Variants in KYNU observed in about 807,000 individuals in gnomAD.
The protein encoded by KYNU is kynureninase, also known as L-kynurenine hydrolase.
KYNU carries 54 observed loss-of-function variants against 59.2 expected under a neutral mutation model. That is an observed-to-expected ratio of 0.91 (90% CI 0.73 to 1.14). KYNU has a LOEUF of 1.14. Among genes scored for constraint, KYNU ranks in the 50% most tolerant of loss-of-function variants. KYNU has a pLI of 0.00. For synonymous variants in KYNU, 177 were observed against 192.0 expected (o/e 0.92, Z 0.65); for missense variants, 567 against 554.4 (o/e 1.02, Z -0.23).
At chr2:142,984,471 G>A (rs1473457118) in intron 8 of KYNU, among the ~76,000 whole-genome samples, 1 of 151,910 alleles carries the variant, frequency 6.6e-6, no homozygotes, top group African/African-American at 2.4e-5. Flanking sequence ...CATGTGAATC[G>A]TCATTGTTTG....
At chr2:142,889,827 A>G (rs1302752611) in intron 2 of KYNU, among the ~76,000 whole-genome samples, 1 of 152,178 alleles carries the variant, frequency 6.6e-6, no homozygotes, top group Admixed American at 6.5e-5. Flanking sequence ...AAAACAGAAC[A>G]GAAATAAACA....
chr2:142,889,464 T>A (rs1161564866), intron 2 of KYNU, among the ~76,000 whole-genome samples: 3 of 152,140 alleles, frequency 2.0e-5, no homozygotes, highest in Non-Finnish European at 4.4e-5. Context: ...TTTTAAGGCT[T>A]GCTGTAGGAG....
chr2:143,041,164 T>C (rs1000169477), intron 13 of KYNU, among the ~76,000 whole-genome samples: 1 of 152,068 alleles, frequency 6.6e-6, no homozygotes, highest in Non-Finnish European at 1.5e-5. Flanking sequence ...AATTTTTTTT[T>C]AACCCTTCAG....
At position 143,042,387 on chromosome 2, in the gene KYNU, A is replaced by C. The variant is rs1225045303; in HGVS notation, c.*215A>C. On this transcript the variant is annotated 3_prime_UTR_variant, in exon 14 of 14. Coordinates refer to ENST00000264170, the MANE Select transcript of KYNU (RefSeq NM_003937.3). Reference sequence around the variant, plus strand: ...CTAGGTGCTTTGTGTTTGGGGGACCAAAACTGTGTTGGTTCAAGTATTATC... The same window carrying C: ...CTAGGTGCTTTGTGTTTGGGGGACCCAAACTGTGTTGGTTCAAGTATTATC... 2 of 485,036 alleles carry C rather than the reference A, an allele frequency of 4.1e-6. No homozygotes were observed. The highest frequency in any genetic ancestry group is 6.9e-5 in the Admixed American group (2 of 28,870). 30.0% of individuals were successfully genotyped at this position (485,036 alleles called of 1,614,324 possible).
intron 2 of KYNU, among the ~76,000 whole-genome samples, chr2:142,900,476 C>A (rs1414250433): frequency 6.6e-6 from 1 of 152,176 alleles, no homozygotes; most frequent in Non-Finnish European, 1.5e-5. Flanking sequence ...ATTATCCCTC[C>A]CCCTGTGCTC....
chr2:142,971,285 A>G (rs1241028431), intron 8 of KYNU: 2 of 149,524 alleles, frequency 1.3e-5, no homozygotes, highest in African/African-American at 2.5e-5. Context: ...TGGTGAATAT[A>G]TCTATATGAA....
intron 11 of KYNU, among the ~76,000 whole-genome samples, chr2:143,030,997 T>C (rs1350095959): frequency 6.6e-6 from 1 of 152,158 alleles, no homozygotes; most frequent in Non-Finnish European, 1.5e-5. Flanking sequence ...ACAATGGGCG[T>C]ATGGGTAGTC....
At chr2:142,902,047 A>C (rs1443526790) in intron 2 of KYNU, among the ~76,000 whole-genome samples, 1 of 152,164 alleles carries the variant, frequency 6.6e-6, no homozygotes, top group Non-Finnish European at 1.5e-5. Context: ...TATTTAAGCA[A>C]ACGATTGTCT....
chr2:142,921,554 T>A (rs935163837), intron 3 of KYNU, among the ~76,000 whole-genome samples: 1 of 152,054 alleles, frequency 6.6e-6, no homozygotes, highest in Non-Finnish European at 1.5e-5. Flanking sequence ...CCATCTGTAA[T>A]CCCAGCACTT....
intron 2 of KYNU, among the ~76,000 whole-genome samples, chr2:142,888,529 C>T (rs978903601): frequency 3.3e-5 from 5 of 152,094 alleles, no homozygotes; most frequent in Non-Finnish European, 7.4e-5. Flanking sequence ...TCTTCTACAT[C>T]AGTGATTGTC....
In KYNU at chr2:142,888,344, G is replaced by T. The variant is rs898873591; in HGVS notation, c.169+2808G>T. 2.6e-5 allele frequency among the ~76,000 whole-genome samples: 4 copies of T among 152,088 alleles called. No individual in the cohort carries two copies. The South Asian group carries it at 6.2e-4, about 24-fold the overall frequency. ...GTGATGGCATGTGCTTTTACTGCCAGTTACTCTGGAGGCTGAAGTGGGAGG... is the reference window on the plus strand; with the variant it reads ...GTGATGGCATGTGCTTTTACTGCCATTTACTCTGGAGGCTGAAGTGGGAGG... On this transcript the variant is annotated intron_variant, in intron 2 of 13. Transcript: ENST00000264170.
chr2:142,883,158 T>G (rs1573744375), intron 1 of KYNU, among the ~76,000 whole-genome samples: 1 of 151,468 alleles, frequency 6.6e-6, no homozygotes, highest in Non-Finnish European at 1.5e-5. Context: ...CTTATAAAAT[T>G]TCAGTTTTCT....
At chr2:143,013,714 G>A (rs1433072843) in intron 10 of KYNU, among the ~76,000 whole-genome samples, 3 of 152,208 alleles carry the variant, frequency 2.0e-5, no homozygotes, top group Non-Finnish European at 4.4e-5. Context: ...CAGTAAATTT[G>A]GAGTTTAAGT....
Position 142,918,575 on chromosome 2 carries a change from T to TA in KYNU, c.170-34_170-33insA, listed in dbSNP as rs201411276. ...ATACCATACTGAAAAAGCTTTTATT[T>TA]TTTTTTTTTTTTTTGACATTTCTTC... On this transcript the variant is annotated intron_variant, in intron 2 of 13. Coordinates refer to ENST00000264170, the MANE Select transcript of KYNU (RefSeq NM_003937.3). The TA allele has an allele frequency of 4.0e-3, 4,082 of 1,032,922 alleles. 28 individuals carry two copies. The African/African-American group carries it at 0.065, about 16-fold the overall frequency. 64.0% of individuals were successfully genotyped at this position (1,032,922 alleles called of 1,614,324 possible). A position where few individuals can be genotyped will look rare whatever the true frequency, so the allele number is the denominator to read the frequency against.
At chr2:142,971,954 A>C (rs903964409) in intron 8 of KYNU, among the ~76,000 whole-genome samples, 4 of 152,194 alleles carry the variant, frequency 2.6e-5, no homozygotes, top group African/African-American at 9.6e-5. Flanking sequence ...TAAGTCATTA[A>C]ATATTAAATG....
Position 143,040,446 on chromosome 2 carries a change from A to G in KYNU, c.1060A>G (p.Met354Val). The change falls in exon 13 of 14, where the codon ATG becomes GTG. Residue 354 changes from methionine (M) to valine (V), a missense_variant. Physicochemically the swap from Met to Val is conservative, Grantham distance 21. Coordinates refer to ENST00000264170, the MANE Select transcript of KYNU (RefSeq NM_003937.3). Reference protein sequence around the residue: ...ASLEIFKQATMKALRKKSVLL... With the variant: ...ASLEIFKQATVKALRKKSVLL... ...TCCACAGATCTTTAAGCAAGCGACA[A>G]TGAAGGCATTGCGGAAAAAATCTGT... 1 of 1,612,510 alleles carries G rather than the reference A, an allele frequency of 6.2e-7. No homozygotes were observed. Among genetic ancestry groups the G allele is most frequent in the Non-Finnish European group, 8.5e-7 (1 of 1,178,816 alleles).
intron 4 of KYNU, among the ~76,000 whole-genome samples, chr2:142,935,595 AAT>A (rs1311354325): frequency 7.9e-5 from 12 of 152,128 alleles, no homozygotes; most frequent in African/African-American, 2.9e-4. Context: ...GAAACTCCCT[AAT>A]ATAAGAGGTG....
At chr2:142,898,739 G>C (rs1049460496) in intron 2 of KYNU, among the ~76,000 whole-genome samples, 2 of 152,182 alleles carry the variant, frequency 1.3e-5, no homozygotes, top group African/African-American at 4.8e-5. Context: ...TCCCAAGATG[G>C]CAGCAAGCCT....
At chr2:143,006,081 G>T (rs766573804) in intron 10 of KYNU, among the ~76,000 whole-genome samples, 1 of 152,144 alleles carries the variant, frequency 6.6e-6, no homozygotes, top group Non-Finnish European at 1.5e-5. Context: ...AACAGCTCCG[G>T]TCTACAGCTC....
Sources: gnomAD v4.1 joint callset for allele counts (sites outside exome capture counted in the v4.1 genomes callset) on GRCh38, gnomAD v4.1.1 for gene constraint, MANE v1.5 for transcripts, NCBI Gene and HGNC (gene_info 2026-07-23, HGNC 2026-07-21) for gene names.